Variants in MUS81 observed in about 807,000 individuals in gnomAD.
MUS81 encodes MUS81 structure-specific endonuclease subunit, also known as structure-specific endonuclease subunit MUS81.
Under a neutral mutation model 74.2 loss-of-function variants are expected in MUS81, and 69 were observed. The ratio of observed to expected loss-of-function variants is 0.93; its 90% confidence interval spans 0.77 to 1.14. The LOEUF (loss-of-function observed/expected upper bound fraction) is 1.14, where lower values mean the gene tolerates loss of function less well. Among genes scored for constraint, MUS81 ranks in the 50% most tolerant of loss-of-function variants. The probability of loss-of-function intolerance (pLI) is 0.00; values close to 1 mark genes in which losing one functional copy is unlikely to be tolerated. For synonymous variants in MUS81, 303 were observed against 300.6 expected (o/e 1.01, Z -0.08); for missense variants, 711 against 726.5 (o/e 0.98, Z 0.25).
chr11:65,860,843 C>G lies in MUS81; in HGVS notation c.90C>G (p.Asp30Glu), dbSNP rs1270702037. The stretch of plus-strand genomic sequence containing the variant: ...TTCGCTGGCTGACCGAGTGGCGGGA[C>G]GAGGCGACCCGCAGCAGGCGCCGCA... ...LFVRWLTEWR[D>E]EATRSRRRTR... The change falls in exon 1 of 16, where the codon GAC becomes GAG. Residue 30 changes from aspartate to glutamate, a missense_variant. Coordinates refer to ENST00000308110, the MANE Select transcript of MUS81 (RefSeq NM_025128.5). 4 of 1,543,742 alleles carry G rather than the reference C, an allele frequency of 2.6e-6. No homozygotes were observed. In the African/African-American group the frequency reaches 4.1e-5, roughly 16 times the overall value.
chr11:65,861,852 A>G (rs1859618755), intron 3 of MUS81, 95 bp from the exon 4 acceptor site: 11 of 936,412 alleles, frequency 1.2e-5, no homozygotes, highest in East Asian at 2.6e-5. Flanking sequence ...CTGAGAGACA[A>G]CTGAGTGACT....
chr11:65,865,394 C>G (rs895241969), intron 14 of MUS81, 71 bp downstream of exon 14: 71 of 1,455,984 alleles, frequency 4.9e-5, no homozygotes, highest in Non-Finnish European at 6.3e-5. Flanking sequence ...TTAATCCATG[C>G]TTCGTGGAGG....
intron 6 of MUS81, among the ~76,000 whole-genome samples, chr11:65,862,805 C>T (rs1426599957): frequency 6.6e-6 from 1 of 152,136 alleles, no homozygotes; most frequent in East Asian, 1.9e-4. Flanking sequence ...ATAAGTATTC[C>T]GAGGAGGAGG....
chr11:65,861,350 G>A lies in MUS81; in HGVS notation c.266G>A (p.Gly89Asp), dbSNP rs1859595429. ...GAGTTAACTCTTTTCTCTCCCGCAG[G>A]TGACCATGCCCCGGACTCACCATCT... The part of the protein sequence containing the change: ...ERLQRHRTSG[G>D]DHAPDSPSGE... Residue 89 changes from glycine (G) to aspartate (D), a missense_variant and splice_region_variant, in exon 3 of 16, where the codon GGT becomes GAT. Physicochemically the swap from Gly to Asp is moderately conservative, Grantham distance 94. Coordinates refer to ENST00000308110, the MANE Select transcript of MUS81 (RefSeq NM_025128.5). 2 of 1,593,126 alleles carry A rather than the reference G, an allele frequency of 1.3e-6. No individual in the cohort carries two copies. The highest frequency in any genetic ancestry group is 1.3e-5 in the African/African-American group (1 of 74,584).
rs574759828 is a variant in MUS81 at position 65,865,527 on chromosome 11, G to A, written c.1505+204G>A. 9.6e-5 allele frequency: 62 copies of A among 644,994 alleles called. 1 individual carries two copies. The South Asian group carries it at 1.2e-3, about 12-fold the overall frequency. The allele number at this position is 644,994 out of a possible 1,614,324, so 40.0% of individuals were successfully genotyped here. On this transcript the variant is annotated intron_variant, in intron 14 of 15. Coordinates refer to ENST00000308110, the MANE Select transcript of MUS81 (RefSeq NM_025128.5). ...GTCCCAGGTAGTGGAGGCCACAGGAGGGAGGGAGACGTCCCACCTGGTGGA... is the reference window on the plus strand; with the variant it reads ...GTCCCAGGTAGTGGAGGCCACAGGAAGGAGGGAGACGTCCCACCTGGTGGA...
Position 65,865,863 on chromosome 11 carries a change from C to G in MUS81, c.1558C>G (p.Leu520Val). 1 of 1,614,162 alleles carries G rather than the reference C, an allele frequency of 6.2e-7. No homozygotes were observed. Reference sequence around the variant, plus strand: ...CACCCCCAAGGAACAAGAGACACTGCTGAGCACCATTAAGTGTGGGCGTCT... The same window carrying G: ...CACCCCCAAGGAACAAGAGACACTGGTGAGCACCATTAAGTGTGGGCGTCT... Reference protein sequence around the residue: ...CATPKEQETLLSTIKCGRLQR... With the variant: ...CATPKEQETLVSTIKCGRLQR... The change falls in exon 15 of 16, where the codon CTG (leucine) becomes GTG (valine). Residue 520 changes from leucine (L) to valine (V), a missense_variant. Transcript: ENST00000308110.
chr11:65,867,494 T>C (rs944302614), downstream of MUS81: 1 of 431,488 alleles, frequency 2.3e-6, no homozygotes, highest in Non-Finnish European at 4.3e-6. Context: ...TGCCAGTCAC[T>C]GTGAGCAGCT....
chr11:65,866,781 TGAG>T, downstream of MUS81: 1 of 1,158,246 alleles, frequency 8.6e-7, no homozygotes, highest in Non-Finnish European at 1.3e-6. Context: ...TGCCCCAGCC[TGAG>T]GCTTCCTGCA....
Position 65,866,234 on chromosome 11 carries a change from C to T in MUS81, c.*182C>T. The T allele has an allele frequency of 3.1e-6, 2 of 642,510 alleles. No homozygotes were observed. The highest frequency in any genetic ancestry group is 2.7e-5 in the East Asian group (1 of 36,424). 39.8% of individuals were successfully genotyped at this position (642,510 alleles called of 1,614,324 possible). On this transcript the variant is annotated 3_prime_UTR_variant, in exon 16 of 16. Coordinates refer to ENST00000308110, the MANE Select transcript of MUS81 (RefSeq NM_025128.5). ...GCAGGAACCAGGGATACCATCTGGT[C>T]CAGTGGTTTTTAAACAAAGCTGCTT...
intron 2 of MUS81, 66 bp downstream of exon 2, chr11:65,861,168 G>A: frequency 6.2e-7 from 1 of 1,605,852 alleles, no homozygotes; most frequent in Non-Finnish European, 8.5e-7. Flanking sequence ...GTACTCTCCT[G>A]GGAGCCCTTG....
chr11:65,859,686 T>A (rs2134717124), upstream of MUS81, among the ~76,000 whole-genome samples: 1 of 152,336 alleles, frequency 6.6e-6, no homozygotes, highest in East Asian at 1.9e-4. Flanking sequence ...ACCTGCGTGT[T>A]GCGACTTCCG....
At chr11:65,864,938 C>G (rs1859761610) in intron 12 of MUS81, 79 bp from the exon 13 acceptor site, 1 of 1,593,120 alleles carries the variant, frequency 6.3e-7, no homozygotes, top group Non-Finnish European at 8.5e-7. Flanking sequence ...GCTGGCCCCC[C>G]AAGGCTGAGG....
chr11:65,865,194 C>A, intron 13 of MUS81, 26 bp from the exon 14 acceptor site: 1 of 1,614,190 alleles, frequency 6.2e-7, no homozygotes, highest in Non-Finnish European at 8.5e-7. Context: ...CAGACCCCCA[C>A]TGATCCAGCC....
Position 65,865,090 on chromosome 11 carries a change from C to T in MUS81, c.1346C>T (p.Pro449Leu). ...TCAGGGGCCATGACCTCTCCAAACC[C>T]TCTCTGCTCACTCCTCACCTTCAGT... ...PESGAMTSPN[P>L]LCSLLTFSDF... The change falls in exon 13 of 16, where the codon CCT (proline) becomes CTT (leucine). Residue 449 changes from proline (P) to leucine (L), a missense_variant. By Grantham distance (98) the Pro-to-Leu change is moderately conservative. Coordinates refer to ENST00000308110, the MANE Select transcript of MUS81 (RefSeq NM_025128.5). 6.2e-7 allele frequency: 1 copy of T among 1,614,186 alleles called. No individual in the cohort carries two copies. The highest frequency in any genetic ancestry group is 2.2e-5 in the East Asian group (1 of 44,886).
chr11:65,861,338 T>C lies in MUS81; in HGVS notation c.266-12T>C. The C allele has an allele frequency of 2.5e-6, 4 of 1,582,016 alleles. No individual in the cohort carries two copies. The highest frequency in any genetic ancestry group is 2.6e-6 in the Non-Finnish European group (3 of 1,161,930). The stretch of plus-strand genomic sequence containing the variant: ...TCGTGGAGTGTGGAGTTAACTCTTT[T>C]CTCTCCCGCAGGTGACCATGCCCCG... On this transcript the variant is annotated splice_polypyrimidine_tract_variant and intron_variant, in intron 2 of 15. Coordinates refer to ENST00000308110, the MANE Select transcript of MUS81 (RefSeq NM_025128.5).
chr11:65,862,330 A>C (rs1374015520), intron 5 of MUS81, 51 bp downstream of exon 5: 1 of 1,603,894 alleles, frequency 6.2e-7, no homozygotes, highest in South Asian at 1.1e-5. Context: ...GGGGCCCACC[A>C]AAGACTGCCT....
intron 6 of MUS81, among the ~76,000 whole-genome samples, chr11:65,862,839 G>A (rs939882348): frequency 6.6e-6 from 1 of 152,236 alleles, no homozygotes. Flanking sequence ...GAAGACAGGA[G>A]GAAGGAAATT....
chr11:65,866,940 A>C, downstream of MUS81: 1 of 1,614,136 alleles, frequency 6.2e-7, no homozygotes. Context: ...GGCCCCTACA[A>C]AGACGGTGAG....
At chr11:65,867,032 C>T (rs772715527), downstream of MUS81, 11 of 1,614,010 alleles carry the variant, frequency 6.8e-6, no homozygotes, top group South Asian at 3.3e-5. Flanking sequence ...CCCGGGGGCC[C>T]GTCACCGGCC....
Sources: gnomAD v4.1 joint callset for allele counts (sites outside exome capture counted in the v4.1 genomes callset) on GRCh38, gnomAD v4.1.1 for gene constraint, MANE v1.5 for transcripts, NCBI Gene and HGNC (gene_info 2026-07-23, HGNC 2026-07-21) for gene names.